Variants in CLCN6 observed in about 807,000 individuals in gnomAD.
CLCN6 encodes the protein H(+)/Cl(-) exchange transporter 6.
A neutral mutation model predicts 109.8 loss-of-function variants in CLCN6; 70 were observed. The observed-to-expected ratio is 0.64, with a 90% CI of 0.53 to 0.78. The LOEUF is 0.78. Ranked by LOEUF, CLCN6 falls within the 30% of genes least tolerant of loss-of-function variation. CLCN6 has a pLI of 0.00. For missense variants in CLCN6, 984 were observed against 1,142.3 expected, an observed-to-expected ratio of 0.86 and a Z score of 2.00; for synonymous variants, 444 against 447.8, an observed-to-expected ratio of 0.99 and a Z score of 0.11.
intron 2 of CLCN6, among the ~76,000 whole-genome samples, chr1:11,814,247 CTT>C (rs1197587407): frequency 1.6e-4 from 21 of 131,154 alleles, no homozygotes; most frequent in Admixed American, 4.6e-4. Flanking sequence ...ACTGCTGCGT[CTT>C]TTTTTTTTTT....
intron 13 of CLCN6, among the ~76,000 whole-genome samples, chr1:11,831,420 G>A (rs907102658): frequency 6.7e-6 from 1 of 148,944 alleles, no homozygotes; most frequent in Non-Finnish European, 1.5e-5. Context: ...CTCCCAAAGT[G>A]CTAGGATTGC....
intron 13 of CLCN6, 57 bp from the exon 14 acceptor site, chr1:11,833,458 A>G: frequency 1.9e-6 from 3 of 1,589,202 alleles, no homozygotes; most frequent in South Asian, 1.1e-5. Flanking sequence ...GAGACATCCC[A>G]CTTGAAGACT....
At chr1:11,815,984 C>A in intron 3 of CLCN6, 73 bp downstream of exon 3, 2 of 1,093,368 alleles carry the variant, frequency 1.8e-6, no homozygotes, top group Non-Finnish European at 2.8e-6. Context: ...CTTCTAAAGG[C>A]CCCAGTAAAC....
At position 11,840,254 on chromosome 1, in the gene CLCN6, TG is replaced by T. The variant is rs1557437750; in HGVS notation, c.*35del. On this transcript the variant is annotated 3_prime_UTR_variant, in exon 23 of 23. Transcript: ENST00000346436. ...CAGCCCACCCTCTCCTGGTGCTGCC[TG>T]GGGAGGCAAATCATGCTCACTCCGG... 1 of 1,580,128 alleles carries T rather than the reference TG, an allele frequency of 6.3e-7. No homozygotes were observed.
At chr1:11,818,565 C>G (rs961449830) in intron 4 of CLCN6, among the ~76,000 whole-genome samples, 36 of 152,220 alleles carry the variant, frequency 2.4e-4, no homozygotes, top group African/African-American at 8.4e-4. Flanking sequence ...CAACTCTTGT[C>G]CATTGATGTG....
At position 11,834,588 on chromosome 1, in the gene CLCN6, C is replaced by T. The variant is rs777048129; in HGVS notation, c.1791C>T (p.Asp597=). The T allele has an allele frequency of 6.2e-7, 1 of 1,613,170 alleles. No individual in the cohort carries two copies. The highest frequency in any genetic ancestry group is 1.1e-5 in the South Asian group (1 of 91,058). ...LLEWETEVEM[D]KLRASDIMEP... The stretch of plus-strand genomic sequence containing the variant: ...AATGGGAGACAGAGGTGGAAATGGA[C>T]AAGTAAGGCCATGATTTTGCTCATG... The change falls in exon 17 of 23, where the codon GAC becomes GAT. Residue 597 remains aspartate (D), a splice_region_variant and synonymous_variant. Transcript: ENST00000346436. This position sits in a 1 kb window ranked among gnomAD's most constrained non-coding sequence, Gnocchi z 4.5.
rs1372468629 is a variant in CLCN6 at position 11,837,413 on chromosome 1, C to T, written c.2209C>T (p.Arg737Cys). 4.3e-6 allele frequency: 7 copies of T among 1,614,164 alleles called. No homozygotes were observed. Among genetic ancestry groups the T allele is most frequent in the Non-Finnish European group, 5.9e-6 (7 of 1,180,010 alleles). ...AGACTGGACCATGGAGGAGCGGTTCCGCCCTCTGACCTTCCACGGCCTGAT... is the reference window on the plus strand; with the variant it reads ...AGACTGGACCATGGAGGAGCGGTTCTGCCCTCTGACCTTCCACGGCCTGAT... ...SEDWTMEERFRPLTFHGLILR... is the reference protein window; with the variant it reads ...SEDWTMEERFCPLTFHGLILR... Residue 737 changes from arginine to cysteine, a missense_variant, in exon 20 of 23, where the codon CGC (arginine) becomes TGC (cysteine). Arg to Cys is a radical substitution (Grantham distance 180, BLOSUM62 -3). Coordinates refer to ENST00000346436, the MANE Select transcript of CLCN6 (RefSeq NM_001286.5).
At chr1:11,833,696 A>C in intron 14 of CLCN6, 58 bp downstream of exon 14, 1 of 1,606,012 alleles carries the variant, frequency 6.2e-7, no homozygotes, top group Non-Finnish European at 8.5e-7. Flanking sequence ...GGACACAGCC[A>C]GGCTTGCCCT....
At chr1:11,826,925 G>C (rs112894451) in intron 9 of CLCN6, among the ~76,000 whole-genome samples, 164 bp from the exon 10 acceptor site, 2 of 152,052 alleles carry the variant, frequency 1.3e-5, no homozygotes, top group African/African-American at 4.8e-5. Flanking sequence ...GCTCTCGGGT[G>C]GACACACTCG....
At chr1:11,828,957 C>T (rs1181297502) in intron 12 of CLCN6, among the ~76,000 whole-genome samples, 1 of 152,234 alleles carries the variant, frequency 6.6e-6, no homozygotes, top group Non-Finnish European at 1.5e-5. Context: ...GAAAGCCATT[C>T]ATTCCTTGGA....
At chr1:11,819,138 ATTC>A (rs1258984790) in intron 4 of CLCN6, among the ~76,000 whole-genome samples, 4 of 152,176 alleles carry the variant, frequency 2.6e-5, no homozygotes, top group South Asian at 2.1e-4. Flanking sequence ...GCCAAAGACA[ATTC>A]TTCTTCCAGT....
chr1:11,836,472 G>A (rs1421716766), intron 18 of CLCN6, among the ~76,000 whole-genome samples: 1 of 152,146 alleles, frequency 6.6e-6, no homozygotes, highest in East Asian at 1.9e-4. Flanking sequence ...AATGGACTTC[G>A]ACCTCCTTAA....
chr1:11,813,588 G>A lies in CLCN6; in HGVS notation c.148-2258G>A, dbSNP rs989423601. 3.3e-5 allele frequency among the ~76,000 whole-genome samples: 5 copies of A among 151,932 alleles called. No homozygotes were observed. The East Asian group carries it at 5.8e-4, about 18-fold the overall frequency. On this transcript the variant is annotated intron_variant, in intron 2 of 22. Transcript: ENST00000346436. ...GTATTTTTGGTAGAGACGGGGTTTC[G>A]CCATGTTGGCCGGGCTGGTCTCAAA...
At position 11,806,336 on chromosome 1, in the gene CLCN6, C is replaced by G; in HGVS notation, c.74C>G (p.Thr25Ser). The G allele has an allele frequency of 2.6e-6, 4 of 1,517,452 alleles. No homozygotes were observed. Among genetic ancestry groups the G allele is most frequent in the South Asian group, 1.3e-5 (1 of 76,430 alleles). The allele number at this position is 1,517,452 out of a possible 1,614,324, so 94.0% of individuals were successfully genotyped here. ...TGCTGCGGTGAGCGTGAGACCCGCA[C>G]CCCCGAGGAGCTGGTAAGAAGCCGG... ...CCCCGERETR[T>S]PEELTILGET... Residue 25 changes from threonine (T) to serine (S), a missense_variant, in exon 1 of 23, where the codon ACC becomes AGC. By Grantham distance (58) the Thr-to-Ser change is moderately conservative. Coordinates refer to ENST00000346436, the MANE Select transcript of CLCN6 (RefSeq NM_001286.5).
intron 4 of CLCN6, 50 bp from the exon 5 acceptor site, chr1:11,819,438 G>A (rs751204432): frequency 1.3e-6 from 2 of 1,541,774 alleles, no homozygotes; most frequent in South Asian, 2.2e-5. Flanking sequence ...TACTATACTT[G>A]TGCTACACTT....
intron 2 of CLCN6, among the ~76,000 whole-genome samples, chr1:11,813,896 G>A (rs541553022): frequency 6.6e-6 from 1 of 151,976 alleles, no homozygotes; most frequent in South Asian, 2.1e-4. Flanking sequence ...TTTTTTAATT[G>A]CATCTTGCTC....
intron 13 of CLCN6, among the ~76,000 whole-genome samples, chr1:11,830,793 C>CTATATATAT (rs1557429862): frequency 7.2e-6 from 1 of 139,158 alleles, no homozygotes; most frequent in African/African-American, 2.9e-5. Flanking sequence ...TACACACACA[C>CTATATATAT]ACACACACAC....
intron 13 of CLCN6, among the ~76,000 whole-genome samples, chr1:11,830,737 T>TATAATA (rs1359328796): frequency 1.5e-4 from 14 of 91,098 alleles, no homozygotes; most frequent in African/African-American, 4.8e-4. Context: ...TATGTATATA[T>TATAATA]TATATATATA....
chr1:11,806,531 C>A, intron 1 of CLCN6, 182 bp downstream of exon 1: 1 of 494,200 alleles, frequency 2.0e-6, no homozygotes, highest in Non-Finnish European at 3.5e-6. Context: ...GGGGTCTTTT[C>A]TCATAACCCC....
Sources: gnomAD v4.1 joint callset for allele counts (sites outside exome capture counted in the v4.1 genomes callset) on GRCh38, gnomAD v4.1.1 for gene constraint, Gnocchi (gnomAD v3.1) non-coding constraint, MANE v1.5 for transcripts, NCBI Gene and HGNC (gene_info 2026-07-23, HGNC 2026-07-21) for gene names.